The following MPRIP variants were observed in gnomAD, a reference collection of about 807,000 sequenced individuals.
MPRIP encodes myosin phosphatase Rho interacting protein.
In MPRIP, 59 loss-of-function variants were observed where a neutral mutation model predicts 234.9. The ratio of observed to expected loss-of-function variants is 0.25; its 90% CI spans 0.20 to 0.31. MPRIP has a LOEUF of 0.31. MPRIP is among the 10% of genes least tolerant of loss of function. The probability of loss-of-function intolerance (pLI) is 1.00; values close to 1 mark genes in which losing one functional copy is unlikely to be tolerated. For synonymous variants in MPRIP, 1,144 were observed against 1,263.9 expected (o/e 0.91, Z 2.01); for missense variants, 2,436 against 3,071.0 (o/e 0.79, Z 4.89).
intron 1 of MPRIP, among the ~76,000 whole-genome samples, chr17:17,056,666 A>G (rs1205309969): frequency 6.6e-6 from 1 of 152,032 alleles, no homozygotes; most frequent in African/African-American, 2.4e-5. Flanking sequence ...CCATTTTAGC[A>G]TGTACAATTC....
At chr17:17,064,313 T>A (rs1295353621) in intron 1 of MPRIP, among the ~76,000 whole-genome samples, 1 of 151,842 alleles carries the variant, frequency 6.6e-6, no homozygotes, top group Non-Finnish European at 1.5e-5. Context: ...GCGATTCTCC[T>A]GCCTCGGCGT....
Position 17,164,206 on chromosome 17 carries a change from A to C in MPRIP, c.2615A>C (p.Glu872Ala), listed in dbSNP as rs1159514179. ...SELEAQCQRQ[E>A]LITHQIQTLK... ...CTTGAAGCCCAGTGCCAGCGCCAGG[A>C]GCTGATTACACACCAGATTCAGACC... is the stretch of plus-strand genomic sequence containing the variant. The change falls in exon 16 of 24, where the codon GAG (glutamate) becomes GCG (alanine). Residue 872 changes from glutamate to alanine, a missense_variant. Physicochemically the swap from Glu to Ala is moderately radical, Grantham distance 107. Around this residue, in one of 4 missense-constraint regions of MPRIP, gnomAD observed 1,998 missense variants for 2,520.3 expected, o/e 0.79. Coordinates refer to ENST00000651222, the MANE Select transcript of MPRIP (RefSeq NM_001364716.4). 1 of 1,304,368 alleles carries C rather than the reference A, an allele frequency of 7.7e-7. No individual in the cohort carries two copies. Among genetic ancestry groups the C allele is most frequent in the East Asian group, 5.5e-5 (1 of 18,024 alleles). The allele number at this position is 1,304,368 out of a possible 1,614,324, so 80.8% of individuals were successfully genotyped here.
intron 18 of MPRIP, among the ~76,000 whole-genome samples, chr17:17,173,138 A>G (rs906363020): frequency 6.6e-6 from 1 of 152,262 alleles, no homozygotes; most frequent in African/African-American, 2.4e-5. Context: ...GCCCACCAGG[A>G]GCCAGGCAGC....
rs140402598 is a variant in MPRIP at position 17,184,121 on chromosome 17, G to T, written c.7207-702G>T. 5.3e-5 allele frequency among the ~76,000 whole-genome samples: 8 copies of T among 152,364 alleles called. No homozygotes were observed. The East Asian group carries it at 1.3e-3, about 26-fold the overall frequency. Reference sequence around the variant, plus strand: ...CATTGAGGAAAGTCTGTAAGAATGAGATGGGAAATACTCTGTCCCCTAGTT... The same window carrying T: ...CATTGAGGAAAGTCTGTAAGAATGATATGGGAAATACTCTGTCCCCTAGTT... On this transcript the variant is annotated intron_variant, in intron 23 of 23. Coordinates refer to ENST00000651222, the MANE Select transcript of MPRIP (RefSeq NM_001364716.4).
chr17:17,093,812 G>T (rs1248237325), intron 3 of MPRIP, among the ~76,000 whole-genome samples: 3 of 152,174 alleles, frequency 2.0e-5, no homozygotes, highest in Admixed American at 6.5e-5. Context: ...TAAATAACTG[G>T]TTTTTACTGC....
intron 3 of MPRIP, among the ~76,000 whole-genome samples, chr17:17,101,864 A>G (rs1199101276): frequency 2.0e-5 from 3 of 152,128 alleles, no homozygotes; most frequent in Admixed American, 6.5e-5. Context: ...ATGCCCAGAA[A>G]GCCTGCCTGC....
intron 23 of MPRIP, among the ~76,000 whole-genome samples, chr17:17,183,554 T>G (rs2046416050): frequency 6.6e-6 from 1 of 152,252 alleles, no homozygotes; most frequent in Non-Finnish European, 1.5e-5. Flanking sequence ...AGCAGAACCC[T>G]GTATTTAAAA....
intron 3 of MPRIP, among the ~76,000 whole-genome samples, chr17:17,116,299 G>C (rs2090284603): frequency 6.6e-6 from 1 of 152,212 alleles, no homozygotes; most frequent in Non-Finnish European, 1.5e-5. Flanking sequence ...TCCAGGAGGG[G>C]AGATGTGCCA....
At chr17:17,142,375 G>A (rs2144505386) in intron 7 of MPRIP, 1 of 437,458 alleles carries the variant, frequency 2.3e-6, no homozygotes, top group Non-Finnish European at 4.2e-6. Flanking sequence ...GAGTGGGTCA[G>A]CACCACAGAG....
chr17:17,077,752 T>TAA (rs10560581), intron 2 of MPRIP: 26 of 306,586 alleles, frequency 8.5e-5, no homozygotes, highest in Admixed American at 1.7e-4. Flanking sequence ...TTCCAAGTGT[T>TAA]AAAAAAAAAA....
rs2088523385 is a variant in MPRIP, at chr17:17,051,008, C to T, written c.123+8037C>T. 2.0e-5 allele frequency among the ~76,000 whole-genome samples: 3 copies of T among 152,362 alleles called. No individual in the cohort carries two copies. The South Asian group carries it at 6.2e-4, about 32-fold the overall frequency. On this transcript the variant is annotated intron_variant, in intron 1 of 23. Coordinates refer to ENST00000651222, the MANE Select transcript of MPRIP (RefSeq NM_001364716.4). Reference sequence around the variant, plus strand: ...GACTATAGTCCAAGGCCTATGTTCTCTTCCTGACACAAATGTGCAGGGTGA... The same window carrying T: ...GACTATAGTCCAAGGCCTATGTTCTTTTCCTGACACAAATGTGCAGGGTGA...
At chr17:17,145,562 G>T (rs941503538) in intron 9 of MPRIP, among the ~76,000 whole-genome samples, 1 of 152,236 alleles carries the variant, frequency 6.6e-6, no homozygotes, top group Non-Finnish European at 1.5e-5. Context: ...GGGTCTCAGC[G>T]GGGCTGCAGC....
chr17:17,123,354 A>G (rs2349645), intron 3 of MPRIP, among the ~76,000 whole-genome samples: 80,253 of 152,038 alleles, frequency 0.53, 25,288 homozygotes, highest in East Asian at 0.68. Context: ...ATATCTCAAT[A>G]AAGCTGTTGT....
In MPRIP at chr17:17,188,020, T is replaced by C. The variant is rs920781452; in HGVS notation, c.*3126T>C. Reference sequence around the variant, plus strand: ...GCGAGGCAGTTGTGCTCGTGTGAGTTTCTGCAGGCTTGTGGGTAATTACCT... The same window carrying C: ...GCGAGGCAGTTGTGCTCGTGTGAGTCTCTGCAGGCTTGTGGGTAATTACCT... On this transcript the variant is annotated 3_prime_UTR_variant, in exon 24 of 24. Transcript: ENST00000651222. 6.6e-5 allele frequency: 10 copies of C among 152,260 alleles called. No individual in the cohort carries two copies. Among genetic ancestry groups the C allele is most frequent in the African/African-American group, 2.2e-4 (9 of 41,464 alleles). 9.4% of individuals were successfully genotyped at this position (152,260 alleles called of 1,614,324 possible). A position where few individuals can be genotyped will look rare whatever the true frequency, so the allele number is the denominator to read the frequency against.
intron 3 of MPRIP, among the ~76,000 whole-genome samples, chr17:17,107,796 CCAG>C (rs2090092020): frequency 6.6e-6 from 1 of 152,330 alleles, no homozygotes; most frequent in African/African-American, 2.4e-5. Context: ...AAGTTTCTCC[CCAG>C]CAGGTGATTT....
chr17:17,154,778 C>T (rs926494327), intron 13 of MPRIP, among the ~76,000 whole-genome samples: 3 of 152,232 alleles, frequency 2.0e-5, no homozygotes, highest in Non-Finnish European at 2.9e-5. Flanking sequence ...TAAGGGTGGC[C>T]CCATGTGCGG....
In MPRIP at chr17:17,167,209, G is replaced by A. The variant is rs775362951; in HGVS notation, c.5618G>A (p.Arg1873Gln). 13 of 1,303,926 alleles carry A rather than the reference G, an allele frequency of 1.0e-5. No individual in the cohort carries two copies. The highest frequency in any genetic ancestry group is 2.1e-4 in the Middle Eastern group (1 of 4,720). 80.8% of individuals were successfully genotyped at this position (1,303,926 alleles called of 1,614,324 possible). A position where few individuals can be genotyped will look rare whatever the true frequency, so the allele number is the denominator to read the frequency against. The change falls in exon 16 of 24, where the codon CGG becomes CAG. Residue 1873 changes from arginine to glutamine, a missense_variant. Transcript: ENST00000651222. The surrounding 1 kb of genome is among the most constrained non-coding windows in gnomAD (Gnocchi z 5.9). ...LQLCKESWQT[R>Q]EPSCSEQAQA... is the part of the protein sequence containing the mutation. ...CTCTGCAAGGAGTCCTGGCAAACCC[G>A]GGAGCCCTCCTGCTCAGAGCAGGCA...
At position 17,166,094 on chromosome 17, in the gene MPRIP, C is replaced by T. The variant is rs772542607; in HGVS notation, c.4503C>T (p.Arg1501=). 2.8e-5 allele frequency: 36 copies of T among 1,298,596 alleles called. No individual in the cohort carries two copies. In the Middle Eastern group the frequency reaches 8.5e-4, roughly 31 times the overall value. 80.4% of individuals were successfully genotyped at this position (1,298,596 alleles called of 1,614,324 possible). A position where few individuals can be genotyped will look rare whatever the true frequency, so the allele number is the denominator to read the frequency against. The change falls in exon 16 of 24, where the codon CGC becomes CGT. Residue 1501 remains arginine (R), a synonymous_variant. Transcript: ENST00000651222. The surrounding 1 kb of genome is among the most constrained non-coding windows in gnomAD (Gnocchi z 4.4). The stretch of plus-strand genomic sequence containing the variant: ...GCCAGGAGGATGAGCAGGACGCACG[C>T]GCAGCCTCCCTGGCCAGTGTGGAGA... ...RASQEDEQDA[R]AASLASVESA...
intron 1 of MPRIP, among the ~76,000 whole-genome samples, chr17:17,049,832 C>T (rs80344434): frequency 0.027 from 4,088 of 152,310 alleles, 109 homozygotes; most frequent in East Asian, 0.12. Context: ...CCAGCCCTGT[C>T]CTCTAGAACT....
Sources: allele counts gnomAD v4.1 joint callset (sites outside exome capture counted in the v4.1 genomes callset), GRCh38; gene constraint gnomAD v4.1.1; regional missense constraint gnomAD v4.1.1; non-coding constraint Gnocchi (gnomAD v3.1); transcripts MANE v1.5; gene names NCBI Gene and HGNC (gene_info 2026-07-23, HGNC 2026-07-21).